The following KCND2 variants were observed in gnomAD, a reference collection of about 807,000 sequenced individuals.
KCND2 encodes the protein potassium voltage-gated channel subfamily D member 2.
In KCND2, 16 loss-of-function variants were observed where a neutral mutation model predicts 54.4. That is an observed-to-expected ratio of 0.29 (90% CI 0.20 to 0.45). The LOEUF is 0.45. Among genes scored for constraint, KCND2 ranks in the 20% least tolerant of loss-of-function variants. KCND2 has a pLI of 1.00. For synonymous variants in KCND2, 317 were observed against 310.7 expected, an observed-to-expected ratio of 1.02 and a Z score of -0.21; for missense variants, 486 against 824.2, an observed-to-expected ratio of 0.59 and a Z score of 5.02.
At chr7:120,455,706 C>T (rs2116227540) in intron 1 of KCND2, among the ~76,000 whole-genome samples, 2 of 152,222 alleles carry the variant, frequency 1.3e-5, no homozygotes, top group East Asian at 3.9e-4. Context: ...AGTTGGAGGT[C>T]ATTATCCTTA....
At chr7:120,311,720 C>G (rs1455082025) in intron 1 of KCND2, among the ~76,000 whole-genome samples, 1 of 152,092 alleles carries the variant, frequency 6.6e-6, no homozygotes, top group Non-Finnish European at 1.5e-5. Flanking sequence ...CTTCCTCCCC[C>G]ACCCTCTACC....
At chr7:120,429,892 A>G (rs1412426638) in intron 1 of KCND2, among the ~76,000 whole-genome samples, 1 of 152,234 alleles carries the variant, frequency 6.6e-6, no homozygotes, top group Admixed American at 6.5e-5. Context: ...GTATAATCAA[A>G]TAAGTCAATA....
chr7:120,545,875 A>G (rs1388223601), intron 1 of KCND2, among the ~76,000 whole-genome samples: 1 of 151,844 alleles, frequency 6.6e-6, no homozygotes, highest in African/African-American at 2.4e-5. Context: ...TTCAAAAAAA[A>G]AAGAAGAAGA....
At chr7:120,413,702 A>C (rs1801483439) in intron 1 of KCND2, among the ~76,000 whole-genome samples, 1 of 152,066 alleles carries the variant, frequency 6.6e-6, no homozygotes, top group African/African-American at 2.4e-5. Flanking sequence ...CACCAAAAAA[A>C]GATTTTGTAG....
At chr7:120,746,194 C>T (rs1176165806) in intron 5 of KCND2, among the ~76,000 whole-genome samples, 167 bp downstream of exon 5, 1 of 152,054 alleles carries the variant, frequency 6.6e-6, no homozygotes, top group Admixed American at 6.6e-5. Context: ...GCTTGCATAT[C>T]CATTAAGGGT....
At chr7:120,312,694 G>A (rs1799756101) in intron 1 of KCND2, among the ~76,000 whole-genome samples, 1 of 152,056 alleles carries the variant, frequency 6.6e-6, no homozygotes, top group African/African-American at 2.4e-5. Context: ...AATAGTTCTA[G>A]CTTAGCCTTG....
At chr7:120,485,674 A>G (rs1445859715) in intron 1 of KCND2, among the ~76,000 whole-genome samples, 1 of 152,302 alleles carries the variant, frequency 6.6e-6, no homozygotes, top group South Asian at 2.1e-4. Context: ...ATTCAGAACA[A>G]TTACCACCTC....
At chr7:120,695,332 G>C (rs1297822195) in intron 1 of KCND2, among the ~76,000 whole-genome samples, 1 of 151,962 alleles carries the variant, frequency 6.6e-6, no homozygotes, top group East Asian at 1.9e-4. Context: ...ACAAAATGCA[G>C]AAAAAGTATG....
intron 1 of KCND2, among the ~76,000 whole-genome samples, chr7:120,377,023 T>C (rs1360939436): frequency 2.6e-5 from 4 of 152,062 alleles, no homozygotes; most frequent in South Asian, 4.1e-4. Context: ...ATTTGATGTT[T>C]GGTTTAGCAT....
chr7:120,517,585 A>C (rs1256799602), intron 1 of KCND2, among the ~76,000 whole-genome samples: 2 of 152,124 alleles, frequency 1.3e-5, no homozygotes, highest in African/African-American at 4.8e-5. Context: ...CTCAGTGTAC[A>C]AAGTAAGGAA....
intron 1 of KCND2, among the ~76,000 whole-genome samples, chr7:120,725,520 G>T (rs1232274617): frequency 6.6e-6 from 1 of 152,154 alleles, no homozygotes; most frequent in African/African-American, 2.4e-5. Context: ...GCAGGCAAAA[G>T]ATAAGGAATC....
At chr7:120,285,593 T>C (rs1445729673) in intron 1 of KCND2, among the ~76,000 whole-genome samples, 1 of 151,976 alleles carries the variant, frequency 6.6e-6, no homozygotes, top group Non-Finnish European at 1.5e-5. Flanking sequence ...ATTATGGAAA[T>C]TCAAATGAAT....
At chr7:120,455,892 T>G (rs1053613640) in intron 1 of KCND2, among the ~76,000 whole-genome samples, 1 of 152,170 alleles carries the variant, frequency 6.6e-6, no homozygotes, top group Non-Finnish European at 1.5e-5. Context: ...TGAAATAATC[T>G]GTACACAAAA....
chr7:120,686,982 C>T (rs765633074), intron 1 of KCND2, among the ~76,000 whole-genome samples: 20 of 152,116 alleles, frequency 1.3e-4, no homozygotes, highest in Admixed American at 3.9e-4. Context: ...TAACAACCAC[C>T]TGACAATCAC....
chr7:120,607,171 T>C (rs1792892037), intron 1 of KCND2, among the ~76,000 whole-genome samples: 1 of 134,204 alleles, frequency 7.5e-6, no homozygotes, highest in African/African-American at 2.8e-5. Flanking sequence ...AGCTAATTTT[T>C]CTTATGCAGA....
At chr7:120,425,783 C>T (rs1273175279) in intron 1 of KCND2, among the ~76,000 whole-genome samples, 1 of 152,232 alleles carries the variant, frequency 6.6e-6, no homozygotes, top group African/African-American at 2.4e-5. Context: ...CATGCTAGAG[C>T]ACGTTTTCCC....
chr7:120,613,186 G>A (rs73423711), intron 1 of KCND2, among the ~76,000 whole-genome samples: 1,599 of 151,884 alleles, frequency 0.011, 33 homozygotes, highest in African/African-American at 0.037. Flanking sequence ...TCAAAAGATC[G>A]GTTTTCGTAA....
intron 2 of KCND2, 80 bp from the exon 3 acceptor site, chr7:120,741,454 A>G: frequency 1.1e-6 from 1 of 945,916 alleles, no homozygotes; most frequent in Non-Finnish European, 1.7e-6. Flanking sequence ...GGCTGACAAT[A>G]GGATTATACA....
chr7:120,459,906 C>A (rs2116236337), intron 1 of KCND2, among the ~76,000 whole-genome samples: 1 of 152,316 alleles, frequency 6.6e-6, no homozygotes, highest in South Asian at 2.1e-4. Flanking sequence ...CACTTTTTGT[C>A]TGCCAAATAT....
Sources: gnomAD v4.1 joint callset for allele counts (sites outside exome capture counted in the v4.1 genomes callset) on GRCh38, gnomAD v4.1.1 for gene constraint, MANE v1.5 for transcripts, NCBI Gene and HGNC (gene_info 2026-07-23, HGNC 2026-07-21) for gene names.